The following CADPS variants were observed in gnomAD, a reference collection of about 807,000 sequenced individuals.
CADPS encodes calcium dependent secretion activator, also known as calcium-dependent secretion activator 1.
A neutral mutation model predicts 167.3 loss-of-function variants in CADPS; 57 were observed. That is an observed-to-expected ratio of 0.34 (90% CI 0.28 to 0.42). CADPS has a LOEUF of 0.42. Among genes scored for constraint, CADPS ranks in the 20% least tolerant of loss-of-function variants. The pLI, the probability that CADPS is intolerant of heterozygous loss-of-function variation, is 1.00. For synonymous variants in CADPS, 676 were observed against 635.3 expected (o/e 1.06, Z -0.96); for missense variants, 1,414 against 1,738.1 (o/e 0.81, Z 3.32).
At chr3:62,651,943 T>C (rs2070262092) in intron 4 of CADPS, among the ~76,000 whole-genome samples, 4 of 152,100 alleles carry the variant, frequency 2.6e-5, no homozygotes, top group African/African-American at 7.2e-5. Context: ...TCAAACTGGC[T>C]TAAAACAACA....
intron 6 of CADPS, among the ~76,000 whole-genome samples, chr3:62,633,110 T>C (rs1248032050): frequency 6.6e-6 from 1 of 152,144 alleles, no homozygotes; most frequent in African/African-American, 2.4e-5. Flanking sequence ...AGCCAAGTGT[T>C]GTCTGCTGCT....
At chr3:62,739,794 T>C (rs1465734477) in intron 3 of CADPS, among the ~76,000 whole-genome samples, 1 of 152,170 alleles carries the variant, frequency 6.6e-6, no homozygotes, top group African/African-American at 2.4e-5. Context: ...AAGTGGACAA[T>C]TTAGGTTGAA....
At chr3:62,796,281 T>G (rs148208035) in intron 1 of CADPS, 205 of 152,382 alleles carry the variant, frequency 1.3e-3, no homozygotes, top group African/African-American at 4.7e-3. Flanking sequence ...TAGCAGGAGA[T>G]AACCACATTG....
At chr3:62,519,436 T>C (rs190926047) in intron 13 of CADPS, among the ~76,000 whole-genome samples, 35 of 152,260 alleles carry the variant, frequency 2.3e-4, no homozygotes, top group African/African-American at 6.3e-4. Flanking sequence ...TTTTTGATAA[T>C]AAAAATGCCC....
chr3:62,477,239 C>T (rs1322004238), intron 23 of CADPS, among the ~76,000 whole-genome samples: 2 of 151,756 alleles, frequency 1.3e-5, no homozygotes, highest in Non-Finnish European at 2.9e-5. Flanking sequence ...CGGCCCCCAT[C>T]ACCCACAATT....
intron 6 of CADPS, among the ~76,000 whole-genome samples, chr3:62,600,867 C>A (rs985385621): frequency 6.6e-6 from 1 of 151,992 alleles, no homozygotes; most frequent in Non-Finnish European, 1.5e-5. Flanking sequence ...ACCTGTAGTC[C>A]CAGCTACTCA....
At chr3:62,839,114 T>C (rs2153032355) in intron 1 of CADPS, among the ~76,000 whole-genome samples, 1 of 152,322 alleles carries the variant, frequency 6.6e-6, no homozygotes, top group Non-Finnish European at 1.5e-5. Flanking sequence ...TATTCAGTTG[T>C]GGGGATGATG....
intron 1 of CADPS, among the ~76,000 whole-genome samples, chr3:62,870,135 T>A: frequency 6.6e-6 from 1 of 152,050 alleles, no homozygotes; most frequent in East Asian, 1.9e-4. Context: ...CCAAGGAAAA[T>A]GGGGAGGGGA....
chr3:62,592,539 C>T, intron 7 of CADPS, 98 bp downstream of exon 7: 4 of 876,580 alleles, frequency 4.6e-6, no homozygotes, highest in Non-Finnish European at 7.5e-6. Flanking sequence ...CTGAGCCTCT[C>T]AGCACTTGGC....
chr3:62,432,207 G>C (rs932137029), intron 28 of CADPS, among the ~76,000 whole-genome samples: 1 of 152,114 alleles, frequency 6.6e-6, no homozygotes, highest in Non-Finnish European at 1.5e-5. Flanking sequence ...GAGACTCATT[G>C]AATTTTTAAC....
chr3:62,822,240 G>A (rs2094955177), intron 1 of CADPS, among the ~76,000 whole-genome samples: 1 of 152,168 alleles, frequency 6.6e-6, no homozygotes, highest in Non-Finnish European at 1.5e-5. Context: ...GATTATTTAA[G>A]GGCAAGTGTC....
At chr3:62,714,292 C>T (rs188584) in intron 3 of CADPS, among the ~76,000 whole-genome samples, 1 of 152,018 alleles carries the variant, frequency 6.6e-6, no homozygotes, top group African/African-American at 2.4e-5. Flanking sequence ...ATATACATTA[C>T]ATAACTTTGC....
At chr3:62,409,893 A>T (rs373548146) in intron 28 of CADPS, among the ~76,000 whole-genome samples, 1 of 152,236 alleles carries the variant, frequency 6.6e-6, no homozygotes, top group African/African-American at 2.4e-5. Flanking sequence ...AGGAAGCACT[A>T]GAAGAGAAGA....
At chr3:62,513,612 A>T (rs1269248521) in intron 16 of CADPS, 2 of 1,426,120 alleles carry the variant, frequency 1.4e-6, no homozygotes, top group Admixed American at 3.5e-5. Context: ...TGAAGACAGC[A>T]TGGTGAGGAG....
At chr3:62,571,395 G>C (rs1305044901) in intron 8 of CADPS, among the ~76,000 whole-genome samples, 1 of 152,036 alleles carries the variant, frequency 6.6e-6, no homozygotes, top group Admixed American at 6.6e-5. Flanking sequence ...ACATTACAGG[G>C]AGCAAATTCC....
At chr3:62,583,336 T>C (rs749323198) in intron 8 of CADPS, among the ~76,000 whole-genome samples, 1 of 152,144 alleles carries the variant, frequency 6.6e-6, no homozygotes, top group African/African-American at 2.4e-5. Flanking sequence ...GTCTTGAAAG[T>C]AGGATGTTCA....
intron 1 of CADPS, among the ~76,000 whole-genome samples, chr3:62,826,015 A>G (rs553119638): frequency 6.6e-6 from 1 of 152,306 alleles, no homozygotes; most frequent in South Asian, 2.1e-4. Context: ...TGCACAGGCC[A>G]TGGACTTATA....
intron 26 of CADPS, among the ~76,000 whole-genome samples, chr3:62,464,644 C>G (rs2059740896): frequency 6.6e-6 from 1 of 152,152 alleles, no homozygotes. Flanking sequence ...TTTCTATGGC[C>G]TTGCCTAATT....
Position 62,602,297 on chromosome 3 carries a change from T to C in CADPS, c.1326-9549A>G, listed in dbSNP as rs913099986. Among the ~76,000 whole-genome samples, 1 of 151,794 alleles carries C rather than the reference T, an allele frequency of 6.6e-6. No individual in the cohort carries two copies. Among genetic ancestry groups the C allele is most frequent in the Non-Finnish European group, 1.5e-5 (1 of 67,932 alleles). ...GGTGGGGGGATGTCATTAGTTGCCATGGTGATGCTCAGCATAAGGCCATAA... is the reference window on the plus strand; with the variant it reads ...GGTGGGGGGATGTCATTAGTTGCCACGGTGATGCTCAGCATAAGGCCATAA... On this transcript the variant is annotated intron_variant, in intron 6 of 29. Coordinates refer to ENST00000383710, the MANE Select transcript of CADPS (RefSeq NM_003716.4). This position sits in a 1 kb window ranked among gnomAD's most constrained non-coding sequence, Gnocchi z 4.4.
Sources: allele counts gnomAD v4.1 joint callset (sites outside exome capture counted in the v4.1 genomes callset), GRCh38; gene constraint gnomAD v4.1.1; non-coding constraint Gnocchi (gnomAD v3.1); transcripts MANE v1.5; gene names NCBI Gene and HGNC (gene_info 2026-07-23, HGNC 2026-07-21).